Variants in RAD51B observed in about 807,000 individuals in gnomAD.
The protein encoded by RAD51B is DNA repair protein RAD51 homolog 2.
In RAD51B, 38 loss-of-function variants were observed where a neutral mutation model predicts 42.2. The ratio of observed to expected loss-of-function variants is 0.90; its 90% confidence interval spans 0.70 to 1.18. The LOEUF (loss-of-function observed/expected upper bound fraction) is 1.18, where lower values mean the gene tolerates loss of function less well. Among genes scored for constraint, RAD51B ranks in the 50% most tolerant of loss-of-function variants. RAD51B has a pLI of 0.00. For missense variants in RAD51B, 373 were observed against 400.7 expected (o/e 0.93, Z 0.59); for synonymous variants, 154 against 145.2 (o/e 1.06, Z -0.43).
At chr14:67,954,813 G>C (rs1431415185) in intron 7 of RAD51B, among the ~76,000 whole-genome samples, 2 of 152,142 alleles carry the variant, frequency 1.3e-5, no homozygotes, top group Admixed American at 6.6e-5. Flanking sequence ...GGAGTATTTG[G>C]AGAAGAAGAG....
chr14:68,306,158 G>A (rs189286393), intron 8 of RAD51B, among the ~76,000 whole-genome samples: 24 of 152,258 alleles, frequency 1.6e-4, no homozygotes, highest in Admixed American at 3.3e-4. Context: ...ATTAACAAAC[G>A]TTTGTAGCCA....
intron 7 of RAD51B, among the ~76,000 whole-genome samples, chr14:68,013,982 A>G (rs1019598658): frequency 6.6e-6 from 1 of 152,166 alleles, no homozygotes; most frequent in Non-Finnish European, 1.5e-5. Context: ...TGATTTATAA[A>G]TTAGTTCCAT....
chr14:68,149,280 A>T (rs1308276551), intron 7 of RAD51B, among the ~76,000 whole-genome samples: 4 of 152,192 alleles, frequency 2.6e-5, no homozygotes, highest in African/African-American at 7.2e-5. Flanking sequence ...TGCCAAGCCC[A>T]AGATCACCTA....
At chr14:68,440,144 A>AAGATTGAT (rs1427383096) in intron 9 of RAD51B, among the ~76,000 whole-genome samples, 1 of 151,972 alleles carries the variant, frequency 6.6e-6, no homozygotes, top group East Asian at 1.9e-4. Flanking sequence ...TAATGGTTGT[A>AAGATTGAT]AGATTGATCT....
At position 68,178,676 on chromosome 14, in the gene RAD51B, T is replaced by A. The variant is rs533692177; in HGVS notation, c.757-113208T>A. On this transcript the variant is annotated intron_variant, in intron 7 of 10. Coordinates refer to ENST00000471583, the MANE Select transcript of RAD51B (RefSeq NM_133510.4). ...GGGTTATAACTTCTCCCCAGTGCTG[T>A]CCAATAGCTGGCATATTGGAAATTG... Among the ~76,000 whole-genome samples, 63 of 152,288 alleles carry A rather than the reference T, an allele frequency of 4.1e-4. 3 individuals carry two copies. In the South Asian group the frequency reaches 0.013, roughly 31 times the overall value.
intron 7 of RAD51B, among the ~76,000 whole-genome samples, chr14:67,900,994 C>T (rs1200330210): frequency 2.0e-5 from 3 of 152,140 alleles, no homozygotes; most frequent in African/African-American, 4.8e-5. Flanking sequence ...GGCTTGCAGC[C>T]ACTGGAGAGT....
At chr14:68,641,216 T>G (rs1892452926) in intron 10 of RAD51B, among the ~76,000 whole-genome samples, 1 of 152,234 alleles carries the variant, frequency 6.6e-6, no homozygotes, top group Admixed American at 6.5e-5. Flanking sequence ...GTGTACCATA[T>G]GCCAGCCCTG....
chr14:68,604,104 G>A (rs1246876608), intron 10 of RAD51B, among the ~76,000 whole-genome samples: 1 of 152,234 alleles, frequency 6.6e-6, no homozygotes, highest in Admixed American at 6.5e-5. Flanking sequence ...GAAAACCAAA[G>A]AGCCTGAGAA....
chr14:68,034,199 T>C (rs1473577722), intron 7 of RAD51B, among the ~76,000 whole-genome samples: 1 of 152,188 alleles, frequency 6.6e-6, no homozygotes, highest in Non-Finnish European at 1.5e-5. Context: ...AATACAGGAT[T>C]TGTCAGAGTT....
chr14:68,282,380 G>A (rs1269828508), intron 7 of RAD51B, among the ~76,000 whole-genome samples: 3 of 152,218 alleles, frequency 2.0e-5, no homozygotes, highest in Non-Finnish European at 2.9e-5. Context: ...ATCACCGTGG[G>A]AGGAAGCCTG....
chr14:67,930,917 C>CTTTTTTTTTTTTTTT (rs548979995), intron 7 of RAD51B, among the ~76,000 whole-genome samples: 1 of 140,526 alleles, frequency 7.1e-6, no homozygotes, highest in Non-Finnish European at 1.5e-5. Flanking sequence ...TGGGTTATTT[C>CTTTTTTTTTTTTTTT]TTTTTTTTTT....
At chr14:68,316,304 TG>T (rs1427937337) in intron 8 of RAD51B, among the ~76,000 whole-genome samples, 1 of 152,208 alleles carries the variant, frequency 6.6e-6, no homozygotes, top group African/African-American at 2.4e-5. Flanking sequence ...GACAAACAAA[TG>T]GAATTGGTTC....
chr14:68,375,787 G>A (rs759854604), intron 8 of RAD51B, among the ~76,000 whole-genome samples: 1 of 151,942 alleles, frequency 6.6e-6, no homozygotes, highest in Non-Finnish European at 1.5e-5. Flanking sequence ...CCCTTATATT[G>A]GCTTGGGGAG....
intron 7 of RAD51B, among the ~76,000 whole-genome samples, chr14:68,229,027 C>G (rs986068078): frequency 1.3e-5 from 2 of 152,162 alleles, no homozygotes; most frequent in Non-Finnish European, 2.9e-5. Context: ...TTATAAAACT[C>G]TACTTTTTAC....
chr14:67,822,097 ATT>A (rs548139015), intron 1 of RAD51B: 16 of 152,254 alleles, frequency 1.1e-4, no homozygotes, highest in Non-Finnish European at 1.9e-4. Context: ...AAATATATAC[ATT>A]CTCAGTATAC....
At chr14:68,552,332 A>G (rs1888617848) in intron 10 of RAD51B, among the ~76,000 whole-genome samples, 1 of 151,222 alleles carries the variant, frequency 6.6e-6, no homozygotes, top group Non-Finnish European at 1.5e-5. Flanking sequence ...GGACTGCCCC[A>G]TATATTGCAG....
intron 7 of RAD51B, among the ~76,000 whole-genome samples, chr14:68,199,086 T>G (rs1222810910): frequency 6.6e-6 from 1 of 152,204 alleles, no homozygotes; most frequent in African/African-American, 2.4e-5. Context: ...ACAATTCTAG[T>G]TTCTCTACTT....
chr14:67,836,415 C>T (rs1419704772), intron 4 of RAD51B, among the ~76,000 whole-genome samples: 5 of 151,860 alleles, frequency 3.3e-5, no homozygotes, highest in Non-Finnish European at 7.4e-5. Context: ...CACACCACTA[C>T]TTCTGCCACT....
chr14:67,907,373 A>G (rs1175329409), intron 7 of RAD51B, among the ~76,000 whole-genome samples: 3 of 152,068 alleles, frequency 2.0e-5, no homozygotes, highest in Non-Finnish European at 4.4e-5. Context: ...ACTGCTGCTT[A>G]ATATTTTGTT....
Sources: allele counts gnomAD v4.1 joint callset (sites outside exome capture counted in the v4.1 genomes callset), GRCh38; gene constraint gnomAD v4.1.1; transcripts MANE v1.5; gene names NCBI Gene and HGNC (gene_info 2026-07-23, HGNC 2026-07-21).